RASAL2: variants seen among roughly 807,000 people sequenced by gnomAD.
RASAL2 encodes RAS protein activator like 2, also known as ras GTPase-activating protein nGAP.
A neutral mutation model predicts 128.9 loss-of-function variants in RASAL2; 58 were observed. That is an observed-to-expected ratio of 0.45 (90% CI 0.36 to 0.56). The LOEUF (loss-of-function observed/expected upper bound fraction) is 0.56. RASAL2 is among the 20% of genes least tolerant of loss of function. The pLI is 0.00. For synonymous variants in RASAL2, 561 were observed against 580.8 expected (o/e 0.97, Z 0.49); for missense variants, 1,360 against 1,601.6 (o/e 0.85, Z 2.57).
At chr1:178,448,279 GA>G (rs1025150566) in intron 9 of RASAL2, among the ~76,000 whole-genome samples, 2 of 152,180 alleles carry the variant, frequency 1.3e-5, no homozygotes, top group African/African-American at 4.8e-5. Flanking sequence ...AGAAATTATG[GA>G]AGGTAAAGAA....
chr1:178,100,526 A>C (rs868650096), intron 1 of RASAL2, among the ~76,000 whole-genome samples: 4 of 150,542 alleles, frequency 2.7e-5, no homozygotes, highest in Non-Finnish European at 4.5e-5. Context: ...TCAGTCTCAA[A>C]TAAAAAAAAA....
chr1:178,238,826 G>A (rs1664374114), intron 1 of RASAL2, among the ~76,000 whole-genome samples: 2 of 151,946 alleles, frequency 1.3e-5, no homozygotes, highest in Admixed American at 6.6e-5. Context: ...CAGGATGATT[G>A]TCATCCTGGA....
At chr1:178,226,000 A>G (rs1162927109) in intron 1 of RASAL2, among the ~76,000 whole-genome samples, 1 of 152,132 alleles carries the variant, frequency 6.6e-6, no homozygotes, top group East Asian at 1.9e-4. Context: ...TTTGCCCCGA[A>G]ATCTTGATAC....
At chr1:178,195,087 A>G (rs989216496) in intron 1 of RASAL2, among the ~76,000 whole-genome samples, 4 of 152,230 alleles carry the variant, frequency 2.6e-5, no homozygotes, top group African/African-American at 9.6e-5. Context: ...ACAGATAAAC[A>G]TACACAGTGC....
At chr1:178,434,742 C>T (rs1676145061) in intron 5 of RASAL2, among the ~76,000 whole-genome samples, 1 of 151,440 alleles carries the variant, frequency 6.6e-6, no homozygotes, top group South Asian at 2.1e-4. Flanking sequence ...GGCGAATGAG[C>T]TCTAATTTCT....
At chr1:178,460,498 T>C (rs987011858) in intron 14 of RASAL2, among the ~76,000 whole-genome samples, 4 of 152,192 alleles carry the variant, frequency 2.6e-5, no homozygotes, top group Non-Finnish European at 4.4e-5. Context: ...CTGTGGGTTA[T>C]GATTAGAGGG....
intron 5 of RASAL2, among the ~76,000 whole-genome samples, chr1:178,434,685 G>T (rs774498463): frequency 6.6e-6 from 1 of 152,016 alleles, no homozygotes; most frequent in South Asian, 2.1e-4. Flanking sequence ...AGCTGGTGCT[G>T]TCAGGATCCT....
At chr1:178,305,646 C>T (rs1667950193) in intron 3 of RASAL2, among the ~76,000 whole-genome samples, 1 of 152,056 alleles carries the variant, frequency 6.6e-6, no homozygotes. Context: ...TGTGATTGAC[C>T]AGCAGCTCAA....
Position 178,371,322 on chromosome 1 carries a change from C to CCACACACACACACACACACA in RASAL2, c.458-18767_458-18748dup, listed in dbSNP as rs370972772. On this transcript the variant is annotated intron_variant, in intron 3 of 17. Coordinates refer to ENST00000367649, the MANE Select transcript of RASAL2 (RefSeq NM_170692.4). ...TTCTTTCAGATTTCAGCCTTCTTTC[C>CCACACACACACACACACACA]CACACACACACACACACACACACAC... Among the ~76,000 whole-genome samples, 484 of 124,450 alleles carry CCACACACACACACACACACA rather than the reference C, an allele frequency of 3.9e-3. 4 individuals carry two copies. The highest frequency in any genetic ancestry group is 0.012 in the East Asian group (52 of 4,242). The allele number at this position is 124,450 out of a possible 152,430, so 81.6% of individuals were successfully genotyped here.
Position 178,442,690 on chromosome 1 carries a change from G to A in RASAL2, c.943G>A (p.Ala315Thr), listed in dbSNP as rs893411112. The A allele has an allele frequency of 2.5e-6, 4 of 1,604,720 alleles. No individual in the cohort carries two copies. In the African/African-American group the frequency reaches 5.4e-5, roughly 22 times the overall value. Reference sequence around the variant, plus strand: ...CTCTTTATAGGACAATTGCAGGCGAGCTGAAAATGTTCTTCGTTTATGGAT... The same window carrying A: ...CTCTTTATAGGACAATTGCAGGCGAACTGAAAATGTTCTTCGTTTATGGAT... ...VQPNKDNCRR[A>T]ENVLRLWIIE... The change falls in exon 8 of 18, where the codon GCT becomes ACT. Residue 315 changes from alanine to threonine, a missense_variant. Around this residue, in one of 3 missense-constraint regions of RASAL2, gnomAD observed 617 missense variants for 714.2 expected, o/e 0.86. Transcript: ENST00000367649.
In RASAL2 at chr1:178,411,817, G is replaced by A. The variant is rs533422169; in HGVS notation, c.565-8694G>A. The A allele has an allele frequency of 4.7e-4, 364 of 770,414 alleles. 1 individual carries two copies. The highest frequency in any genetic ancestry group is 7.5e-4 in the Non-Finnish European group (311 of 412,806). The allele number at this position is 770,414 out of a possible 1,614,324, so 47.7% of individuals were successfully genotyped here. A position where few individuals can be genotyped will look rare whatever the true frequency, so the allele number is the denominator to read the frequency against. On this transcript the variant is annotated intron_variant, in intron 4 of 17. Coordinates refer to ENST00000367649, the MANE Select transcript of RASAL2 (RefSeq NM_170692.4). Reference sequence around the variant, plus strand: ...CCAGGATGTGGCCCAGAGGTGCAAGGAGCCAGGTATCACTGCCCTACACGT... The same window carrying A: ...CCAGGATGTGGCCCAGAGGTGCAAGAAGCCAGGTATCACTGCCCTACACGT...
At chr1:178,442,017 G>A (rs1676691250) in intron 7 of RASAL2, among the ~76,000 whole-genome samples, 1 of 152,028 alleles carries the variant, frequency 6.6e-6, no homozygotes, top group South Asian at 2.1e-4. Flanking sequence ...GTGTGTGTGA[G>A]TGACTTGGGG....
intron 2 of RASAL2, among the ~76,000 whole-genome samples, chr1:178,284,888 C>G (rs1296316082): frequency 6.6e-6 from 1 of 152,024 alleles, no homozygotes; most frequent in East Asian, 1.9e-4. Context: ...AGTCACCTTC[C>G]AGAAAGGTGA....
intron 3 of RASAL2, among the ~76,000 whole-genome samples, chr1:178,315,063 G>C (rs1021047245): frequency 6.1e-5 from 9 of 148,208 alleles, no homozygotes; most frequent in African/African-American, 2.3e-4. Flanking sequence ...TCTTGCGATA[G>C]TTTACTGAGA....
chr1:178,259,471 C>T (rs1357510714), intron 1 of RASAL2, among the ~76,000 whole-genome samples: 1 of 152,196 alleles, frequency 6.6e-6, no homozygotes, highest in Non-Finnish European at 1.5e-5. Context: ...GAATAAAGTA[C>T]AGACTGTTGA....
chr1:178,429,864 A>T (rs1193832713), intron 5 of RASAL2, among the ~76,000 whole-genome samples: 1 of 151,976 alleles, frequency 6.6e-6, no homozygotes, highest in Admixed American at 6.6e-5. Flanking sequence ...GTTCATCCTC[A>T]TGCAACAGTA....
intron 3 of RASAL2, among the ~76,000 whole-genome samples, chr1:178,311,253 AACACACACACAC>A (rs67243509): frequency 2.1e-5 from 3 of 143,600 alleles, no homozygotes; most frequent in South Asian, 2.2e-4. Context: ...CACACACACA[AACACACACACAC>A]ACACACACAC....
intron 4 of RASAL2, among the ~76,000 whole-genome samples, chr1:178,393,729 TCCCTCATTAGACA>T (rs1673051419): frequency 6.6e-6 from 1 of 152,192 alleles, no homozygotes; most frequent in South Asian, 2.1e-4. Context: ...GTAGGTTCTG[TCCCTCATTAGACA>T]ACAGATAATC....
chr1:178,095,813 C>A (rs534587270), intron 1 of RASAL2, among the ~76,000 whole-genome samples: 2 of 152,166 alleles, frequency 1.3e-5, no homozygotes, highest in Non-Finnish European at 2.9e-5. Context: ...AGTTCTACCA[C>A]TAAATGGCTA....
Sources: gnomAD v4.1 joint callset for allele counts (sites outside exome capture counted in the v4.1 genomes callset) on GRCh38, gnomAD v4.1.1 for gene constraint, gnomAD v4.1.1 regional missense constraint, MANE v1.5 for transcripts, NCBI Gene and HGNC (gene_info 2026-07-23, HGNC 2026-07-21) for gene names.